Variants in PREX2 observed in about 807,000 individuals in gnomAD.
The protein encoded by PREX2 is phosphatidylinositol-3,4,5-trisphosphate dependent Rac exchange factor 2.
A neutral mutation model predicts 203.2 loss-of-function variants in PREX2; 107 were observed. The observed-to-expected ratio is 0.53, with a 90% confidence interval of 0.45 to 0.62. The LOEUF is 0.62. Among genes scored for constraint, PREX2 ranks in the 20% least tolerant of loss-of-function variants. The probability of loss-of-function intolerance (pLI) is 0.00; values close to 1 mark genes in which losing one functional copy is unlikely to be tolerated. For synonymous variants in PREX2, 672 were observed against 663.6 expected (o/e 1.01, Z -0.19); for missense variants, 1,777 against 1,955.9 (o/e 0.91, Z 1.72).
intron 6 of PREX2, among the ~76,000 whole-genome samples, chr8:68,031,663 A>T (rs575200775): frequency 9.9e-5 from 15 of 152,244 alleles, no homozygotes; most frequent in South Asian, 6.2e-4. Flanking sequence ...TTCTTTGTCC[A>T]ACTCTTTCCA....
intron 30 of PREX2, among the ~76,000 whole-genome samples, chr8:68,121,550 G>C (rs879922760): frequency 7.2e-5 from 11 of 151,954 alleles, no homozygotes; most frequent in Non-Finnish European, 7.4e-5. Flanking sequence ...TTCTATAATT[G>C]GTAAAACCTG....
intron 35 of PREX2, among the ~76,000 whole-genome samples, chr8:68,160,962 T>C (rs1382417092): frequency 6.6e-6 from 1 of 152,204 alleles, no homozygotes; most frequent in East Asian, 1.9e-4. Flanking sequence ...CAGTGTATTA[T>C]TAATGGTAAA....
chr8:68,096,222 A>G (rs1027577642), intron 21 of PREX2, among the ~76,000 whole-genome samples: 1 of 152,168 alleles, frequency 6.6e-6, no homozygotes, highest in African/African-American at 2.4e-5. Context: ...TGGTTCCTAT[A>G]ATGCTCTGGA....
intron 1 of PREX2, among the ~76,000 whole-genome samples, chr8:68,003,454 A>G (rs894962597): frequency 2.6e-5 from 4 of 152,228 alleles, no homozygotes; most frequent in African/African-American, 9.6e-5. Context: ...AGTGAGTACT[A>G]TAGACCAGGA....
intron 25 of PREX2, among the ~76,000 whole-genome samples, chr8:68,112,981 A>C (rs559088491): frequency 4.1e-4 from 62 of 152,314 alleles, no homozygotes; most frequent in African/African-American, 1.5e-3. Context: ...AATCTTTCTT[A>C]TCAATGGCAC....
chr8:68,015,209 A>C (rs922180392), intron 1 of PREX2, among the ~76,000 whole-genome samples: 4 of 152,198 alleles, frequency 2.6e-5, no homozygotes, highest in African/African-American at 9.7e-5. Flanking sequence ...ATGATTTTGA[A>C]ATTACCTATT....
At chr8:67,972,194 A>C (rs1309732344) in intron 1 of PREX2, among the ~76,000 whole-genome samples, 1 of 152,212 alleles carries the variant, frequency 6.6e-6, no homozygotes, top group East Asian at 1.9e-4. Flanking sequence ...TGGCTGAATG[A>C]GTAATCGCCC....
chr8:68,072,996 CT>C (rs1809244474), intron 14 of PREX2, among the ~76,000 whole-genome samples: 1 of 151,772 alleles, frequency 6.6e-6, no homozygotes, highest in Non-Finnish European at 1.5e-5. Flanking sequence ...GCTTTAATGT[CT>C]GCCTGTGTCC....
intron 11 of PREX2, among the ~76,000 whole-genome samples, chr8:68,068,675 T>G (rs890929356): frequency 4.6e-5 from 7 of 152,052 alleles, no homozygotes; most frequent in African/African-American, 1.4e-4. Context: ...TGTAGCATTG[T>G]GAAGAAACAG....
rs191587273 is a variant in PREX2 at position 68,053,723 on chromosome 8, C to T, written c.1093+477C>T. On this transcript the variant is annotated intron_variant, in intron 9 of 39. Transcript: ENST00000288368. ...AAATTTCTTAGACCCAATATGTTAG[C>T]TTCCTAATTATAGATTAAAGCACTT... Among the ~76,000 whole-genome samples the T allele has an allele frequency of 6.2e-3, 942 of 152,236 alleles. 7 individuals are homozygous for T. The highest frequency in any genetic ancestry group is 9.8e-3 in the Non-Finnish European group (667 of 68,000).
Position 68,077,247 on chromosome 8 carries a change from A to G in PREX2, c.1570-150A>G, listed in dbSNP as rs1809377858. 4 of 618,178 alleles carry G rather than the reference A, an allele frequency of 6.5e-6. No individual in the cohort carries two copies. The South Asian group carries it at 7.7e-5, about 12-fold the overall frequency. The allele number at this position is 618,178 out of a possible 1,614,324, so 38.3% of individuals were successfully genotyped here. A position where few individuals can be genotyped will look rare whatever the true frequency, so the allele number is the denominator to read the frequency against. On this transcript the variant is annotated intron_variant, in intron 14 of 39. Coordinates refer to ENST00000288368, the MANE Select transcript of PREX2 (RefSeq NM_024870.4). ...TTTCATAATCAACTGAATGTTTTGT[A>G]ACAATTAGATGCATTCTGTCTTATA... is the stretch of plus-strand genomic sequence containing the variant.
intron 20 of PREX2, among the ~76,000 whole-genome samples, chr8:68,093,312 T>C (rs1055356106): frequency 2.8e-5 from 4 of 142,538 alleles, no homozygotes; most frequent in African/African-American, 1.1e-4. Flanking sequence ...ATCGCTTGAA[T>C]CAGGGAGGCG....
Position 68,134,019 on chromosome 8 carries a change from A to C in PREX2, c.3767-40A>C, listed in dbSNP as rs763533177. On this transcript the variant is annotated intron_variant, in intron 31 of 39. Coordinates refer to ENST00000288368, the MANE Select transcript of PREX2 (RefSeq NM_024870.4). ...AACGCATTGGTTTTCACCATCTGCA[A>C]CATTTTTCGAAGCATTCTCTATGTT... 9 of 1,541,918 alleles carry C rather than the reference A, an allele frequency of 5.8e-6. No individual in the cohort carries two copies. In the East Asian group the frequency reaches 2.0e-4, roughly 35 times the overall value.
At chr8:68,169,105 C>A (rs1161641103) in intron 35 of PREX2, among the ~76,000 whole-genome samples, 1 of 152,270 alleles carries the variant, frequency 6.6e-6, no homozygotes, top group East Asian at 1.9e-4. Context: ...GATACCATTT[C>A]TCTCTCCATC....
chr8:68,119,179 C>T (rs1288065870), intron 27 of PREX2, among the ~76,000 whole-genome samples: 1 of 152,184 alleles, frequency 6.6e-6, no homozygotes, highest in Non-Finnish European at 1.5e-5. Flanking sequence ...AACTCTTCAA[C>T]CACTGGAGGA....
chr8:67,965,515 GTA>G (rs34032003), intron 1 of PREX2, among the ~76,000 whole-genome samples: 12 of 150,394 alleles, frequency 8.0e-5, no homozygotes, highest in African/African-American at 1.7e-4. Flanking sequence ...ATATGTGTGT[GTA>G]TATATATATA....
At chr8:67,998,026 T>C (rs1806819584) in intron 1 of PREX2, among the ~76,000 whole-genome samples, 1 of 152,192 alleles carries the variant, frequency 6.6e-6, no homozygotes, top group Non-Finnish European at 1.5e-5. Flanking sequence ...GGAGCAGGAC[T>C]TACCCTTCTG....
At position 68,090,644 on chromosome 8, in the gene PREX2, G is replaced by T; in HGVS notation, c.2179G>T (p.Val727Phe). 1 of 1,613,994 alleles carries T rather than the reference G, an allele frequency of 6.2e-7. No individual in the cohort carries two copies. The highest frequency in any genetic ancestry group is 8.5e-7 in the Non-Finnish European group (1 of 1,179,896). Reference protein sequence around the residue: ...QCIIKVNGINVSKETHASVIA... With the variant: ...QCIIKVNGINFSKETHASVIA... ...CATTATCAAGGTGAATGGAATCAAT[G>T]TCAGCAAAGAGACACATGCCAGTGT... Residue 727 changes from valine (V) to phenylalanine (F), a missense_variant, in exon 20 of 40, where the codon GTC (valine) becomes TTC (phenylalanine). Coordinates refer to ENST00000288368, the MANE Select transcript of PREX2 (RefSeq NM_024870.4).
In PREX2 at chr8:68,231,616, T is replaced by C; in HGVS notation, c.*238T>C. Reference sequence around the variant, plus strand: ...CTTCACGAACTGATGTCTCTCTGTATTGACATTAAGTATTCACTTTTAGAG... The same window carrying C: ...CTTCACGAACTGATGTCTCTCTGTACTGACATTAAGTATTCACTTTTAGAG... On this transcript the variant is annotated 3_prime_UTR_variant, in exon 40 of 40. Transcript: ENST00000288368. 5.4e-6 allele frequency: 2 copies of C among 372,776 alleles called. No individual in the cohort carries two copies. Among genetic ancestry groups the C allele is most frequent in the Admixed American group, 9.3e-5 (2 of 21,618 alleles). 23.1% of individuals were successfully genotyped at this position (372,776 alleles called of 1,614,324 possible).
Sources: gnomAD v4.1 joint callset for allele counts (sites outside exome capture counted in the v4.1 genomes callset) on GRCh38, gnomAD v4.1.1 for gene constraint, MANE v1.5 for transcripts, NCBI Gene and HGNC (gene_info 2026-07-23, HGNC 2026-07-21) for gene names.